Variants in LARGE1 observed in about 807,000 individuals in gnomAD.
LARGE1 encodes LARGE xylosyl- and glucuronyltransferase 1.
Under a neutral mutation model 87.6 loss-of-function variants are expected in LARGE1, and 43 were observed. The ratio of observed to expected loss-of-function variants is 0.49; its 90% CI spans 0.38 to 0.63. The LOEUF (loss-of-function observed/expected upper bound fraction) is 0.63. Ranked by LOEUF, LARGE1 falls within the 30% of genes least tolerant of loss-of-function variation. The pLI is 0.00. For missense variants in LARGE1, 802 were observed against 1,000.2 expected (o/e 0.80, Z 2.67); for synonymous variants, 434 against 394.6 (o/e 1.10, Z -1.18).
intron 11 of LARGE1, among the ~76,000 whole-genome samples, chr22:33,240,637 T>G (rs1926467517): frequency 6.6e-6 from 1 of 152,232 alleles, no homozygotes; most frequent in African/African-American, 2.4e-5. Flanking sequence ...AATATTGCTT[T>G]GCTTTTTAAA....
chr22:33,526,288 A>G (rs1373171390), intron 6 of LARGE1, among the ~76,000 whole-genome samples: 3 of 152,226 alleles, frequency 2.0e-5, no homozygotes, highest in Admixed American at 1.3e-4. Context: ...TTTCTAGTCT[A>G]ATGAAGGAAA....
chr22:33,603,270 T>C (rs559999116), intron 5 of LARGE1, among the ~76,000 whole-genome samples: 1 of 152,280 alleles, frequency 6.6e-6, no homozygotes, highest in East Asian at 1.9e-4. Flanking sequence ...GAACAAGCAA[T>C]TTGCCAGAGT....
At chr22:33,289,247 C>T (rs1456696381) in intron 12 of LARGE1, among the ~76,000 whole-genome samples, 3 of 152,112 alleles carry the variant, frequency 2.0e-5, no homozygotes, top group East Asian at 3.9e-4. Context: ...CATGAGCCAC[C>T]GCGCCCAGCT....
At chr22:33,446,786 A>C (rs558344716) in intron 6 of LARGE1, among the ~76,000 whole-genome samples, 2 of 152,326 alleles carry the variant, frequency 1.3e-5, no homozygotes, top group Non-Finnish European at 2.9e-5. Flanking sequence ...ATCCTGCTGT[A>C]TGACACCAGG....
rs151062334 is a variant in LARGE1, at chr22:33,694,801, T to C, written c.107-44133A>G. Among the ~76,000 whole-genome samples the C allele has an allele frequency of 4.2e-3, 640 of 152,290 alleles. 1 individual carries two copies. Among genetic ancestry groups the C allele is most frequent in the African/African-American group, 0.014 (595 of 41,568 alleles). ...TCTCTTCCAACTATAAATGTTTGCA[T>C]TGAACCTTATCTAAAAGATGACTAG... On this transcript the variant is annotated intron_variant, in intron 2 of 14. Transcript: ENST00000397394.
intron 6 of LARGE1, among the ~76,000 whole-genome samples, chr22:33,497,666 T>C (rs1267872856): frequency 3.9e-5 from 6 of 152,170 alleles, no homozygotes; most frequent in Non-Finnish European, 8.8e-5. Flanking sequence ...ACAGTAACTC[T>C]TCTTCTAGAA....
rs988308472 is a variant in LARGE1 at position 33,349,484 on chromosome 22, C to T, written c.1132-11683G>A. On this transcript the variant is annotated intron_variant, in intron 9 of 14. Transcript: ENST00000397394. Reference sequence around the variant, plus strand: ...AGGCTCAGCACTAGCTAAAGTGACACTGTCCAACATCCCGGACTGCTGGAT... The same window carrying T: ...AGGCTCAGCACTAGCTAAAGTGACATTGTCCAACATCCCGGACTGCTGGAT... Among the ~76,000 whole-genome samples the T allele has an allele frequency of 5.9e-5, 9 of 152,336 alleles. No homozygotes were observed. The East Asian group carries it at 1.4e-3, about 23-fold the overall frequency.
At chr22:33,525,695 A>G (rs2071855921) in intron 6 of LARGE1, among the ~76,000 whole-genome samples, 1 of 152,116 alleles carries the variant, frequency 6.6e-6, no homozygotes, top group Admixed American at 6.5e-5. Flanking sequence ...GAGTGCTCAG[A>G]GAGGCTACGG....
intron 4 of LARGE1, among the ~76,000 whole-genome samples, chr22:33,621,915 T>C (rs947728615): frequency 6.6e-6 from 1 of 152,218 alleles, no homozygotes; most frequent in African/African-American, 2.4e-5. Context: ...TACCTGAATG[T>C]ATGTTCTGAA....
chr22:33,536,585 G>C (rs2077050593), intron 6 of LARGE1, among the ~76,000 whole-genome samples: 1 of 152,170 alleles, frequency 6.6e-6, no homozygotes. Flanking sequence ...TATCTCTCCT[G>C]TTTCATCTTT....
intron 1 of LARGE1, among the ~76,000 whole-genome samples, chr22:33,777,367 G>A (rs1257055745): frequency 4.6e-5 from 7 of 152,126 alleles, no homozygotes; most frequent in Non-Finnish European, 1.0e-4. Flanking sequence ...GCCAGGCGTC[G>A]TGGCTCACAT....
chr22:33,100,128 G>C, the LARGE1 span, among the ~76,000 whole-genome samples: 1 of 152,026 alleles, frequency 6.6e-6, no homozygotes, highest in Non-Finnish European at 1.5e-5. Flanking sequence ...CTGAGGTCAG[G>C]AGTTTGAGAC....
intron 11 of LARGE1, among the ~76,000 whole-genome samples, chr22:33,171,629 C>G (rs1347040616): frequency 1.3e-5 from 2 of 152,218 alleles, no homozygotes; most frequent in Admixed American, 1.3e-4. Flanking sequence ...TCAGAGGATG[C>G]AAGCCCCAAG....
At chr22:33,544,381 A>G (rs548227723) in intron 6 of LARGE1, among the ~76,000 whole-genome samples, 2 of 152,276 alleles carry the variant, frequency 1.3e-5, no homozygotes, top group East Asian at 3.9e-4. Context: ...CAGTTTAGCA[A>G]ATAGAGTGGA....
intron 11 of LARGE1, among the ~76,000 whole-genome samples, chr22:33,260,232 C>A (rs997654327): frequency 6.6e-6 from 1 of 152,220 alleles, no homozygotes; most frequent in African/African-American, 2.4e-5. Context: ...CCCTGTGGCC[C>A]TGTAAGGCGT....
intron 1 of LARGE1, among the ~76,000 whole-genome samples, chr22:33,842,749 T>G (rs9619379): frequency 0.023 from 3,570 of 152,262 alleles, 143 homozygotes; most frequent in African/African-American, 0.081. Flanking sequence ...CTATTGAGAC[T>G]AAGGAACTGT....
chr22:33,467,046 A>G (rs2068647146), intron 6 of LARGE1, among the ~76,000 whole-genome samples: 1 of 152,168 alleles, frequency 6.6e-6, no homozygotes, highest in South Asian at 2.1e-4. Context: ...CTCTGAAAAA[A>G]AAGAGTCTGT....
intron 1 of LARGE1, among the ~76,000 whole-genome samples, chr22:33,783,246 A>G (rs944028011): frequency 2.6e-5 from 4 of 152,056 alleles, no homozygotes; most frequent in African/African-American, 9.7e-5. Context: ...AAAAAAAAAA[A>G]TTTGCAAGAG....
intron 2 of LARGE1, among the ~76,000 whole-genome samples, chr22:33,663,138 C>T (rs781056941): frequency 1.3e-5 from 2 of 152,114 alleles, no homozygotes; most frequent in South Asian, 2.1e-4. Flanking sequence ...GAGGTTTTAT[C>T]GAAACCGATC....
Sources: allele counts gnomAD v4.1 joint callset (sites outside exome capture counted in the v4.1 genomes callset), GRCh38; gene constraint gnomAD v4.1.1; transcripts MANE v1.5; gene names NCBI Gene and HGNC (gene_info 2026-07-23, HGNC 2026-07-21).